Variants in SCHIP1 observed in about 807,000 individuals in gnomAD.
SCHIP1 encodes schwannomin interacting protein 1, also known as schwannomin-interacting protein 1.
In SCHIP1, 8 loss-of-function variants were observed where a neutral mutation model predicts 29.7. That is an observed-to-expected ratio of 0.27 (90% CI 0.16 to 0.49). The LOEUF (loss-of-function observed/expected upper bound fraction) is 0.49, where lower values mean the gene tolerates loss of function less well. SCHIP1 is among the 20% of genes least tolerant of loss of function. The pLI, the probability that SCHIP1 is intolerant of heterozygous loss-of-function variation, is 0.99. For synonymous variants in SCHIP1, 76 were observed against 94.9 expected (o/e 0.80, Z 1.16); for missense variants, 193 against 294.6 (o/e 0.66, Z 2.52).
chr3:159,631,202 A>G, the SCHIP1 span, among the ~76,000 whole-genome samples: 1 of 152,166 alleles, frequency 6.6e-6, no homozygotes, highest in African/African-American at 2.4e-5. Flanking sequence ...AGTGTTGGCA[A>G]CAATATGGAG....
chr3:159,660,738 G>A, the SCHIP1 span, among the ~76,000 whole-genome samples: 3 of 152,184 alleles, frequency 2.0e-5, no homozygotes, highest in Admixed American at 6.6e-5. Context: ...CTCTTTCAGA[G>A]GTTCAGCAGA....
chr3:159,846,347 A>G (rs1202227758), intron 1 of SCHIP1, among the ~76,000 whole-genome samples: 1 of 152,212 alleles, frequency 6.6e-6, no homozygotes, highest in Non-Finnish European at 1.5e-5. Flanking sequence ...ATATCAGTTT[A>G]AGTAGTATAT....
chr3:159,792,066 A>T, the SCHIP1 span, among the ~76,000 whole-genome samples: 1 of 152,210 alleles, frequency 6.6e-6, no homozygotes, highest in East Asian at 1.9e-4. Flanking sequence ...CTAGAAAAAA[A>T]ATGACTCATT....
At chr3:159,667,623 G>A in the SCHIP1 span, among the ~76,000 whole-genome samples, 21 of 152,168 alleles carry the variant, frequency 1.4e-4, no homozygotes, top group Non-Finnish European at 2.9e-5. Context: ...ACCTCTGGAA[G>A]GAAAGAGTGT....
the SCHIP1 span, chr3:159,721,827 T>C: frequency 2.5e-6 from 1 of 398,582 alleles, no homozygotes; most frequent in Non-Finnish European, 4.9e-6. Flanking sequence ...GATATTATTT[T>C]TTATTTTAGC....
At chr3:159,625,706 GT>G in the SCHIP1 span, among the ~76,000 whole-genome samples, 1 of 151,962 alleles carries the variant, frequency 6.6e-6, no homozygotes, top group Non-Finnish European at 1.5e-5. Flanking sequence ...GCACACCACT[GT>G]TCCAACCCAC....
At chr3:159,600,511 A>G in the SCHIP1 span, among the ~76,000 whole-genome samples, 2 of 152,340 alleles carry the variant, frequency 1.3e-5, no homozygotes, top group East Asian at 1.9e-4. Context: ...ATTTCCTTCA[A>G]TGAATTCTTC....
the SCHIP1 span, among the ~76,000 whole-genome samples, chr3:159,433,059 TG>T: frequency 6.6e-6 from 1 of 152,152 alleles, no homozygotes; most frequent in African/African-American, 2.4e-5. Context: ...CCCCCAGTTT[TG>T]TTACCATTTT....
chr3:159,680,529 G>A, the SCHIP1 span, among the ~76,000 whole-genome samples: 123 of 109,020 alleles, frequency 1.1e-3, 1 homozygote, highest in African/African-American at 4.5e-3. Context: ...ATATATATAT[G>A]TATATAATAT....
At chr3:159,668,538 G>A in the SCHIP1 span, among the ~76,000 whole-genome samples, 13,386 of 152,010 alleles carry the variant, frequency 0.088, 1,753 homozygotes, top group African/African-American at 0.28. Flanking sequence ...AGGACCAGGT[G>A]GATGGCGTGT....
chr3:159,882,300 T>C (rs33052), intron 2 of SCHIP1, among the ~76,000 whole-genome samples: 49,117 of 152,078 alleles, frequency 0.32, 9,459 homozygotes, highest in East Asian at 0.9. Flanking sequence ...TAAAATTCAA[T>C]GCAACAGTTC....
At chr3:159,557,688 G>A in the SCHIP1 span, among the ~76,000 whole-genome samples, 4 of 152,152 alleles carry the variant, frequency 2.6e-5, no homozygotes, top group African/African-American at 9.7e-5. Context: ...AAATTCACAT[G>A]CAGATTAAAC....
chr3:159,786,708 C>A, the SCHIP1 span, among the ~76,000 whole-genome samples: 1 of 147,862 alleles, frequency 6.8e-6, no homozygotes, highest in African/African-American at 2.5e-5. Context: ...TGCGCGTGTG[C>A]ACTGTGTGTG....
chr3:159,289,520 G>A, the SCHIP1 span, among the ~76,000 whole-genome samples: 1 of 152,052 alleles, frequency 6.6e-6, no homozygotes. Context: ...CATGATTTGA[G>A]TATTAAGTGG....
chr3:159,334,923 C>A, the SCHIP1 span, among the ~76,000 whole-genome samples: 8 of 150,512 alleles, frequency 5.3e-5, no homozygotes, highest in African/African-American at 2.0e-4. Context: ...AATTTTGAGA[C>A]CGAGTATTGC....
At chr3:159,799,885 T>A in the SCHIP1 span, among the ~76,000 whole-genome samples, 1 of 152,180 alleles carries the variant, frequency 6.6e-6, no homozygotes, top group Non-Finnish European at 1.5e-5. Flanking sequence ...CAGATTTGGA[T>A]TCTAGAAAGA....
At chr3:159,675,042 G>A in the SCHIP1 span, among the ~76,000 whole-genome samples, 119 of 152,328 alleles carry the variant, frequency 7.8e-4, 4 homozygotes, top group South Asian at 9.9e-3. Context: ...TTGTGCTCTC[G>A]GTTTTCTGTG....
the SCHIP1 span, among the ~76,000 whole-genome samples, chr3:159,426,396 C>T: frequency 3.9e-5 from 6 of 152,124 alleles, no homozygotes; most frequent in Admixed American, 1.3e-4. Context: ...TCAGAGAATA[C>T]TACAAACACC....
the SCHIP1 span, chr3:159,375,832 TCAATGAAA>T: frequency 1.3e-6 from 1 of 785,270 alleles, no homozygotes; most frequent in South Asian, 5.8e-5. Context: ...GCAGGAATCA[TCAATGAAA>T]GGATTTGGAA....
Sources: gnomAD v4.1 joint callset for allele counts (sites outside exome capture counted in the v4.1 genomes callset) on GRCh38, gnomAD v4.1.1 for gene constraint, MANE v1.5 for transcripts, NCBI Gene and HGNC (gene_info 2026-07-23, HGNC 2026-07-21) for gene names.